TMEM163: variants seen among roughly 807,000 people sequenced by gnomAD.
TMEM163 encodes transmembrane protein 163.
TMEM163 carries 17 observed loss-of-function variants against 29.3 expected under a neutral mutation model. The ratio of observed to expected loss-of-function variants is 0.58; its 90% CI spans 0.40 to 0.87. The LOEUF (loss-of-function observed/expected upper bound fraction) is 0.87. Ranked by LOEUF, TMEM163 falls within the 40% of genes least tolerant of loss-of-function variation. TMEM163 has a pLI of 0.00. For missense variants in TMEM163, 303 were observed against 381.5 expected (o/e 0.79, Z 1.71); for synonymous variants, 157 against 160.6 (o/e 0.98, Z 0.17).
At chr2:134,535,986 G>A (rs955204920) in intron 4 of TMEM163, among the ~76,000 whole-genome samples, 2 of 152,160 alleles carry the variant, frequency 1.3e-5, no homozygotes, top group African/African-American at 2.4e-5. Context: ...GCCTCCCAAA[G>A]TGCTGGGATT....
chr2:134,704,169 G>A (rs1028549840), intron 2 of TMEM163, among the ~76,000 whole-genome samples: 17 of 152,170 alleles, frequency 1.1e-4, no homozygotes, highest in African/African-American at 3.9e-4. Context: ...TGCTCCAGGG[G>A]TATTTCCAAC....
intron 4 of TMEM163, among the ~76,000 whole-genome samples, chr2:134,520,896 C>G (rs1317619099): frequency 2.0e-5 from 3 of 152,160 alleles, no homozygotes; most frequent in African/African-American, 7.2e-5. Context: ...CTGGGCTCCC[C>G]CTTGAAGTTT....
chr2:134,619,216 C>A (rs1682674741), intron 2 of TMEM163, among the ~76,000 whole-genome samples: 1 of 152,128 alleles, frequency 6.6e-6, no homozygotes, highest in African/African-American at 2.4e-5. Context: ...TAGTCAATTT[C>A]TTTCAAAAAG....
intron 2 of TMEM163, among the ~76,000 whole-genome samples, chr2:134,589,338 C>G (rs1681890120): frequency 6.6e-6 from 1 of 152,168 alleles, no homozygotes; most frequent in East Asian, 1.9e-4. Flanking sequence ...GTTAGGCATT[C>G]TTAGTCACTG....
intron 2 of TMEM163, among the ~76,000 whole-genome samples, chr2:134,685,790 C>T (rs1684338280): frequency 6.6e-6 from 1 of 152,230 alleles, no homozygotes; most frequent in African/African-American, 2.4e-5. Context: ...ATGACCACCT[C>T]ATAGATTCTT....
chr2:134,538,182 C>G (rs192359481), intron 4 of TMEM163, among the ~76,000 whole-genome samples: 248 of 152,274 alleles, frequency 1.6e-3, no homozygotes, highest in African/African-American at 5.8e-3. Flanking sequence ...TGGGAGGTGA[C>G]TAGGTCACGG....
intron 5 of TMEM163, among the ~76,000 whole-genome samples, chr2:134,486,297 T>A (rs1679304613): frequency 6.6e-6 from 1 of 152,110 alleles, no homozygotes; most frequent in Non-Finnish European, 1.5e-5. Flanking sequence ...CAAAACCGAA[T>A]GTGAACAAAA....
At chr2:134,506,306 ACAGCCCAAAG>A (rs1677327301) in intron 4 of TMEM163, among the ~76,000 whole-genome samples, 1 of 152,186 alleles carries the variant, frequency 6.6e-6, no homozygotes, top group Non-Finnish European at 1.5e-5. Context: ...AGTGTCTCCA[ACAGCCCAAAG>A]CAGCTATTAT....
At chr2:134,668,749 C>A (rs1683924657) in intron 2 of TMEM163, among the ~76,000 whole-genome samples, 1 of 152,040 alleles carries the variant, frequency 6.6e-6, no homozygotes, top group South Asian at 2.1e-4. Context: ...AAATAAATGT[C>A]TGATCCTCTA....
At chr2:134,507,170 C>G (rs998488466) in intron 4 of TMEM163, among the ~76,000 whole-genome samples, 9 of 152,134 alleles carry the variant, frequency 5.9e-5, no homozygotes, top group Middle Eastern at 3.4e-3. Flanking sequence ...AACCCCGTCT[C>G]TACTAAAAAT....
chr2:134,554,422 CAAAAAAAAAAAAAAAAA>C (rs941286100), intron 2 of TMEM163, among the ~76,000 whole-genome samples: 1 of 21,132 alleles, frequency 4.7e-5, no homozygotes, highest in African/African-American at 1.3e-4. Context: ...GACCCCATCT[CAAAAAAAAAAAAAAAAA>C]AAAAAAAAAG....
rs201436466 is a variant in TMEM163, at chr2:134,661,925, C to CTTTTTTTTTTTTTTTT, written c.322+51274_322+51275insAAAAAAAAAAAAAAAA. Among the ~76,000 whole-genome samples the CTTTTTTTTTTTTTTTT allele has an allele frequency of 7.6e-5, 6 of 79,064 alleles. 1 individual carries two copies. The highest frequency in any genetic ancestry group is 1.3e-4 in the Admixed American group (1 of 7,632). 51.9% of individuals were successfully genotyped at this position (79,064 alleles called of 152,430 possible). A position where few individuals can be genotyped will look rare whatever the true frequency, so the allele number is the denominator to read the frequency against. ...AAGTTTTCATGGATTCATTAATTTT[C>CTTTTTTTTTTTTTTTT]TTTCTTTTTTTTTTTTTTTTTTTTG... is the stretch of plus-strand genomic sequence containing the variant. On this transcript the variant is annotated intron_variant, in intron 2 of 7. Coordinates refer to ENST00000281924, the MANE Select transcript of TMEM163 (RefSeq NM_030923.5).
At chr2:134,511,111 C>T (rs1389156741) in intron 4 of TMEM163, among the ~76,000 whole-genome samples, 3 of 133,372 alleles carry the variant, frequency 2.2e-5, no homozygotes, top group Non-Finnish European at 3.0e-5. Flanking sequence ...ACACCCTGTA[C>T]ATTATATACA....
At chr2:134,655,579 C>T (rs1240151219) in intron 2 of TMEM163, among the ~76,000 whole-genome samples, 3 of 141,540 alleles carry the variant, frequency 2.1e-5, no homozygotes, top group South Asian at 2.3e-4. Flanking sequence ...AGCTTTGTTC[C>T]GTTGCTGGTG....
At chr2:134,570,583 T>A (rs911169996) in intron 2 of TMEM163, among the ~76,000 whole-genome samples, 1 of 152,102 alleles carries the variant, frequency 6.6e-6, no homozygotes, top group Non-Finnish European at 1.5e-5. Flanking sequence ...AGCCTCTTTT[T>A]TTCTAAGGAG....
intron 4 of TMEM163, among the ~76,000 whole-genome samples, chr2:134,541,791 CACACACACACAT>C (rs1439320540): frequency 1.1e-4 from 16 of 151,704 alleles, no homozygotes; most frequent in African/African-American, 3.9e-4. Context: ...CACACACACA[CACACACACACAT>C]ACACACACAC....
At chr2:134,683,182 T>C (rs1433438685) in intron 2 of TMEM163, among the ~76,000 whole-genome samples, 1 of 152,232 alleles carries the variant, frequency 6.6e-6, no homozygotes, top group Non-Finnish European at 1.5e-5. Flanking sequence ...CATGTCATTG[T>C]ACATTTGTTC....
intron 5 of TMEM163, chr2:134,468,827 A>T (rs1686727158): frequency 6.6e-6 from 1 of 152,158 alleles, no homozygotes; most frequent in East Asian, 1.9e-4. Context: ...TCCTAAAGGG[A>T]GCTGCAGACC....
intron 2 of TMEM163, among the ~76,000 whole-genome samples, chr2:134,661,959 T>A (rs1683763608): frequency 7.3e-6 from 1 of 137,386 alleles, no homozygotes. Context: ...TGAGATGGAG[T>A]CTTGCTCTGT....
Sources: allele counts gnomAD v4.1 joint callset (sites outside exome capture counted in the v4.1 genomes callset), GRCh38; gene constraint gnomAD v4.1.1; transcripts MANE v1.5; gene names NCBI Gene and HGNC (gene_info 2026-07-23, HGNC 2026-07-21).